Variants in BIRC6 observed in about 807,000 individuals in gnomAD.
BIRC6 encodes baculoviral IAP repeat containing 6.
In BIRC6, 98 loss-of-function variants were observed where a neutral mutation model predicts 503.3. The observed-to-expected ratio is 0.19, with a 90% CI of 0.17 to 0.23. The LOEUF (loss-of-function observed/expected upper bound fraction) is 0.23, where lower values mean the gene tolerates loss of function less well. Ranked by LOEUF, BIRC6 falls within the 10% of genes least tolerant of loss-of-function variation. The probability of loss-of-function intolerance (pLI) is 1.00; values close to 1 mark genes in which losing one functional copy is unlikely to be tolerated. For missense variants in BIRC6, 5,360 were observed against 5,806.0 expected (o/e 0.92, Z 2.50); for synonymous variants, 2,240 against 2,078.7 (o/e 1.08, Z -2.11).
intron 59 of BIRC6, 160 bp from the exon 60 acceptor site, chr2:32,529,491 C>G: frequency 3.2e-6 from 2 of 621,096 alleles, no homozygotes; most frequent in Non-Finnish European, 5.1e-6. Context: ...AATAAACTCA[C>G]TTTTTGTAAA....
At chr2:32,578,239 A>G (rs1385736704) in intron 66 of BIRC6, among the ~76,000 whole-genome samples, 1 of 152,120 alleles carries the variant, frequency 6.6e-6, no homozygotes, top group Admixed American at 6.5e-5. Flanking sequence ...ACAACTTAAG[A>G]TGTATTTTTT....
chr2:32,375,530 G>T (rs1039652344), intron 1 of BIRC6, among the ~76,000 whole-genome samples: 1 of 151,712 alleles, frequency 6.6e-6, no homozygotes, highest in Non-Finnish European at 1.5e-5. Flanking sequence ...CTTGTGATCC[G>T]CCCACCTCGG....
At position 32,500,007 on chromosome 2, in the gene BIRC6, C is replaced by A. The variant is rs1255290548; in HGVS notation, c.8929C>A (p.Pro2977Thr). The A allele has an allele frequency of 1.2e-6, 2 of 1,613,830 alleles. No individual in the cohort carries two copies. The highest frequency in any genetic ancestry group is 1.7e-6 in the Non-Finnish European group (2 of 1,179,882). Reference protein sequence around the residue: ...NGSSTSVQGSPAYVADLVLAN... With the variant: ...NGSSTSVQGSTAYVADLVLAN... ...AAGCAGTACCAGTGTTCAAGGATCG[C>A]CTGCATATGTTGCTGACTTAGTCTT... The change falls in exon 46 of 74, where the codon CCT becomes ACT. Residue 2977 changes from proline to threonine, a missense_variant. Transcript: ENST00000421745.
intron 39 of BIRC6, among the ~76,000 whole-genome samples, chr2:32,484,809 T>G (rs1260282289): frequency 1.3e-5 from 2 of 152,218 alleles, no homozygotes; most frequent in Non-Finnish European, 1.5e-5. Context: ...TAGCTGAGAT[T>G]ACAGCATGCT....
chr2:32,435,415 T>C (rs2044588937), intron 13 of BIRC6, 81 bp from the exon 14 acceptor site: 6 of 1,360,274 alleles, frequency 4.4e-6, no homozygotes, highest in Middle Eastern at 1.9e-4. Context: ...ATCATTGATA[T>C]TAAAGAAAAT....
chr2:32,419,880 C>T (rs2042756319), intron 10 of BIRC6, among the ~76,000 whole-genome samples: 1 of 152,132 alleles, frequency 6.6e-6, no homozygotes, highest in African/African-American at 2.4e-5. Flanking sequence ...TTCCTTTAGT[C>T]TTCTGTTCCT....
At chr2:32,556,025 G>A (rs1572985666) in intron 65 of BIRC6, among the ~76,000 whole-genome samples, 2 of 151,986 alleles carry the variant, frequency 1.3e-5, no homozygotes, top group East Asian at 3.9e-4. Context: ...TAGCTGAGCA[G>A]TACCAATAAA....
intron 39 of BIRC6, among the ~76,000 whole-genome samples, chr2:32,483,369 A>G (rs2050634087): frequency 2.0e-5 from 3 of 152,210 alleles, no homozygotes; most frequent in Admixed American, 2.0e-4. Context: ...TTCAAGTTAA[A>G]TGCGGAGAAT....
chr2:32,423,938 G>A (rs1390227085), intron 10 of BIRC6, among the ~76,000 whole-genome samples: 2 of 152,118 alleles, frequency 1.3e-5, no homozygotes, highest in Admixed American at 6.6e-5. Context: ...CACTGGTATC[G>A]CAGTGCTTGT....
chr2:32,528,715 G>A (rs991598603), intron 59 of BIRC6: 6 of 152,280 alleles, frequency 3.9e-5, no homozygotes, highest in Non-Finnish European at 7.4e-5. Flanking sequence ...CAGGAATGAT[G>A]ACTCTTGTTG....
rs743235 is a variant in BIRC6 at position 32,488,138 on chromosome 2, C to T, written c.7968+337C>T. ...GGAAGATTGCTTAAGGCCAGGAGTTCGAGACCAGCTTGGGCAACATAACAC... is the reference window on the plus strand; with the variant it reads ...GGAAGATTGCTTAAGGCCAGGAGTTTGAGACCAGCTTGGGCAACATAACAC... On this transcript the variant is annotated intron_variant, in intron 41 of 73. Transcript: ENST00000421745. Among the ~76,000 whole-genome samples, 60 of 152,056 alleles carry T rather than the reference C, an allele frequency of 3.9e-4. 1 individual carries two copies. In the East Asian group the frequency reaches 0.011, roughly 27 times the overall value.
chr2:32,509,141 A>G (rs891820052), intron 51 of BIRC6, among the ~76,000 whole-genome samples: 1 of 152,110 alleles, frequency 6.6e-6, no homozygotes, highest in African/African-American at 2.4e-5. Flanking sequence ...TATGATAGTA[A>G]TCAGTTTATC....
intron 21 of BIRC6, among the ~76,000 whole-genome samples, chr2:32,447,424 C>CG (rs1217445747): frequency 7.0e-6 from 1 of 143,396 alleles, no homozygotes; most frequent in African/African-American, 2.6e-5. Context: ...GCTGGCCGGG[C>CG]GGGGGGCTGA....
intron 10 of BIRC6, 136 bp from the exon 11 acceptor site, chr2:32,429,010 T>C: frequency 1.3e-6 from 1 of 759,654 alleles, no homozygotes; most frequent in South Asian, 2.8e-5. Context: ...TTCTAAACTC[T>C]TGGAAATACA....
chr2:32,529,922 T>G, intron 60 of BIRC6, 98 bp downstream of exon 60: 1 of 747,070 alleles, frequency 1.3e-6, no homozygotes, highest in Non-Finnish European at 1.9e-6. Flanking sequence ...TTTTATTATA[T>G]CAACATAAGA....
chr2:32,542,084 C>T (rs979292524), intron 61 of BIRC6, among the ~76,000 whole-genome samples: 9 of 151,792 alleles, frequency 5.9e-5, no homozygotes, highest in African/African-American at 1.7e-4. Flanking sequence ...ATGGCCTTGA[C>T]AGTTTTGAAG....
At chr2:32,389,450 C>G (rs1463624944) in intron 4 of BIRC6, among the ~76,000 whole-genome samples, 1 of 151,222 alleles carries the variant, frequency 6.6e-6, no homozygotes, top group Non-Finnish European at 1.5e-5. Flanking sequence ...GCTGCTCGCC[C>G]TGGATTTAAA....
At chr2:32,610,173 C>T (rs1559153777) in intron 72 of BIRC6, among the ~76,000 whole-genome samples, 1 of 152,130 alleles carries the variant, frequency 6.6e-6, no homozygotes, top group Non-Finnish European at 1.5e-5. Context: ...ACATTCATTC[C>T]CAGAGCTTTC....
At chr2:32,520,612 G>A (rs541871933) in intron 57 of BIRC6, among the ~76,000 whole-genome samples, 1 of 152,292 alleles carries the variant, frequency 6.6e-6, no homozygotes, top group South Asian at 2.1e-4. Context: ...CAGGTCAGGA[G>A]TTTCAGACCA....
Sources: allele counts gnomAD v4.1 joint callset (sites outside exome capture counted in the v4.1 genomes callset), GRCh38; gene constraint gnomAD v4.1.1; transcripts MANE v1.5; gene names NCBI Gene and HGNC (gene_info 2026-07-23, HGNC 2026-07-21).